The following CTIF variants were observed in gnomAD, a reference collection of about 807,000 sequenced individuals.
CTIF encodes the protein CBP80/20-dependent translation initiation factor.
Under a neutral mutation model 66.0 loss-of-function variants are expected in CTIF, and 21 were observed. That is an observed-to-expected ratio of 0.32 (90% CI 0.23 to 0.46). The LOEUF (loss-of-function observed/expected upper bound fraction) is 0.46, where lower values mean the gene tolerates loss of function less well. Ranked by LOEUF, CTIF falls within the 20% of genes least tolerant of loss-of-function variation. The probability of loss-of-function intolerance (pLI) is 1.00; values close to 1 mark genes in which losing one functional copy is unlikely to be tolerated. For synonymous variants in CTIF, 345 were observed against 326.4 expected, an observed-to-expected ratio of 1.06 and a Z score of -0.62; for missense variants, 739 against 812.7, an observed-to-expected ratio of 0.91 and a Z score of 1.10.
At chr18:48,730,331 C>CCCTGCGGTGTGAGGGGCT (rs1416064926) in intron 7 of CTIF, among the ~76,000 whole-genome samples, 216 of 72,122 alleles carry the variant, frequency 3.0e-3, no homozygotes, top group Middle Eastern at 0.012. Flanking sequence ...TGTGAGGGGC[C>CCCTGCGGTGTGAGGGGCT]CCTGCGGTGT....
intron 10 of CTIF, among the ~76,000 whole-genome samples, chr18:48,843,940 G>A (rs2069009923): frequency 6.6e-6 from 1 of 152,240 alleles, no homozygotes; most frequent in Non-Finnish European, 1.5e-5. Context: ...GACATGAAGA[G>A]CGTTGCAGTG....
intron 3 of CTIF, among the ~76,000 whole-genome samples, chr18:48,650,756 T>C (rs2091140717): frequency 6.6e-6 from 1 of 152,038 alleles, no homozygotes; most frequent in Admixed American, 6.6e-5. Flanking sequence ...AGAAAGCCCA[T>C]CAGACTAACA....
chr18:48,748,562 G>A (rs1453514000), intron 7 of CTIF, among the ~76,000 whole-genome samples: 1 of 152,164 alleles, frequency 6.6e-6, no homozygotes, highest in Non-Finnish European at 1.5e-5. Flanking sequence ...CAGCTACCAT[G>A]TGCATAGCTG....
chr18:48,620,017 G>A (rs775223575), intron 2 of CTIF, among the ~76,000 whole-genome samples: 31 of 152,186 alleles, frequency 2.0e-4, no homozygotes, highest in Non-Finnish European at 3.8e-4. Context: ...TTGAACATAC[G>A]TCTCTTGAGT....
At chr18:48,588,911 G>A (rs1297045994) in intron 1 of CTIF, among the ~76,000 whole-genome samples, 2 of 149,668 alleles carry the variant, frequency 1.3e-5, no homozygotes, top group Non-Finnish European at 3.0e-5. Flanking sequence ...GCCACACAGT[G>A]GCTGAGGGCA....
chr18:48,702,547 G>A (rs1372133305), intron 6 of CTIF, among the ~76,000 whole-genome samples: 1 of 152,180 alleles, frequency 6.6e-6, no homozygotes, highest in Admixed American at 6.5e-5. Context: ...ACGCCACAGG[G>A]CACCAATGTG....
chr18:48,851,227 C>T (rs544125138), intron 10 of CTIF, among the ~76,000 whole-genome samples: 8 of 152,144 alleles, frequency 5.3e-5, no homozygotes, highest in African/African-American at 1.4e-4. Context: ...GGAGTTTGGG[C>T]GTGCCCAGGG....
chr18:48,807,978 A>G (rs2068184970), intron 9 of CTIF, among the ~76,000 whole-genome samples: 1 of 152,102 alleles, frequency 6.6e-6, no homozygotes, highest in South Asian at 2.1e-4. Flanking sequence ...ATGTGCATTA[A>G]GCTTATTTTT....
intron 9 of CTIF, among the ~76,000 whole-genome samples, chr18:48,779,759 A>G (rs185055062): frequency 1.8e-4 from 27 of 152,290 alleles, no homozygotes; most frequent in African/African-American, 5.5e-4. Context: ...TTGTCCTCCC[A>G]AGGGGGACAA....
In CTIF at chr18:48,789,952, C is replaced by A. The variant is rs1392204758; in HGVS notation, c.1372-27269C>A. On this transcript the variant is annotated intron_variant, in intron 9 of 11. Coordinates refer to ENST00000256413, the MANE Select transcript of CTIF (RefSeq NM_014772.3). ...GGCTTTGCCACCTGCTACCTCATGA[C>A]CTTGGGCAGGGTACTTTTCCCCTCT... is the stretch of plus-strand genomic sequence containing the variant. Among the ~76,000 whole-genome samples the A allele has an allele frequency of 3.3e-5, 5 of 152,188 alleles. No homozygotes were observed. The East Asian group carries it at 9.6e-4, about 29-fold the overall frequency.
intron 10 of CTIF, among the ~76,000 whole-genome samples, chr18:48,855,050 G>C (rs1346664459): frequency 6.6e-6 from 1 of 152,228 alleles, no homozygotes; most frequent in Non-Finnish European, 1.5e-5. Flanking sequence ...AGCAGGGCCT[G>C]GTCTGTCTTG....
At chr18:48,667,992 A>G (rs2144962747) in intron 5 of CTIF, among the ~76,000 whole-genome samples, 1 of 152,334 alleles carries the variant, frequency 6.6e-6, no homozygotes, top group Non-Finnish European at 1.5e-5. Context: ...CTGTGTTTCC[A>G]TGGAGGGACA....
At chr18:48,770,470 A>T (rs749983166) in intron 9 of CTIF, among the ~76,000 whole-genome samples, 3 of 152,234 alleles carry the variant, frequency 2.0e-5, no homozygotes, top group Non-Finnish European at 4.4e-5. Context: ...GAGACTCTAG[A>T]TGTGCAGAGG....
chr18:48,756,519 C>T (rs1908379971), intron 7 of CTIF, among the ~76,000 whole-genome samples: 1 of 152,074 alleles, frequency 6.6e-6, no homozygotes, highest in Non-Finnish European at 1.5e-5. Flanking sequence ...TCTGTGGTAC[C>T]CAAGATAGGT....
At chr18:48,741,477 G>A (rs1209645491) in intron 7 of CTIF, among the ~76,000 whole-genome samples, 3 of 145,608 alleles carry the variant, frequency 2.1e-5, no homozygotes, top group Admixed American at 7.0e-5. Flanking sequence ...GGCTTGGAGT[G>A]CAGTGTTGCA....
intron 5 of CTIF, among the ~76,000 whole-genome samples, chr18:48,669,841 A>ATATATAT (rs2091499368): frequency 1.7e-5 from 2 of 116,502 alleles, no homozygotes; most frequent in Non-Finnish European, 3.6e-5. Context: ...ATATATATAT[A>ATATATAT]AGCTAGACTA....
At chr18:48,583,321 A>G (rs2089699854) in intron 1 of CTIF, among the ~76,000 whole-genome samples, 1 of 152,236 alleles carries the variant, frequency 6.6e-6, no homozygotes, top group Non-Finnish European at 1.5e-5. Context: ...GTGAAATTAG[A>G]TGCTGCAGAA....
intron 3 of CTIF, among the ~76,000 whole-genome samples, chr18:48,637,834 C>T (rs888191922): frequency 5.9e-5 from 9 of 152,146 alleles, no homozygotes; most frequent in African/African-American, 1.9e-4. Flanking sequence ...CCTGGAGTCT[C>T]GTTTTTGTTC....
intron 6 of CTIF, among the ~76,000 whole-genome samples, chr18:48,682,796 T>C (rs970849632): frequency 6.6e-6 from 1 of 152,214 alleles, no homozygotes; most frequent in African/African-American, 2.4e-5. Flanking sequence ...AGAGGACCCC[T>C]GGGTCCCGAC....
Sources: gnomAD v4.1 joint callset for allele counts (sites outside exome capture counted in the v4.1 genomes callset) on GRCh38, gnomAD v4.1.1 for gene constraint, MANE v1.5 for transcripts, NCBI Gene and HGNC (gene_info 2026-07-23, HGNC 2026-07-21) for gene names.